The following PTPRD variants were observed in gnomAD, a reference collection of about 807,000 sequenced individuals.
The protein encoded by PTPRD is receptor-type tyrosine-protein phosphatase delta.
In PTPRD, 34 loss-of-function variants were observed where a neutral mutation model predicts 214.5. That is an observed-to-expected ratio of 0.16 (90% CI 0.12 to 0.21). PTPRD has a LOEUF of 0.21. Among genes scored for constraint, PTPRD ranks in the 10% least tolerant of loss-of-function variants. The pLI, the probability that PTPRD is intolerant of heterozygous loss-of-function variation, is 1.00. For missense variants in PTPRD, 2,545 were observed against 2,398.7 expected, an observed-to-expected ratio of 1.06 and a Z score of -1.27; for synonymous variants, 1,128 against 845.7, an observed-to-expected ratio of 1.33 and a Z score of -5.79.
chr9:9,252,889 A>C (rs895424985), intron 9 of PTPRD, among the ~76,000 whole-genome samples: 11 of 152,080 alleles, frequency 7.2e-5, no homozygotes, highest in Non-Finnish European at 1.3e-4. Flanking sequence ...GGAATGAAAG[A>C]TTTTACCTCT....
rs1187905092 is a variant in PTPRD, at chr9:9,982,488, G to A, written c.-471-43878C>T. ...TGTGGTGGTGGTGGTGTGTGTGTGT[G>A]TGTGTGTGTGTGTGTGTGTGTGTGT... is the stretch of plus-strand genomic sequence containing the variant. On this transcript the variant is annotated intron_variant, in intron 4 of 45. Coordinates refer to ENST00000381196, the MANE Select transcript of PTPRD (RefSeq NM_002839.4). Among the ~76,000 whole-genome samples, 440 of 44,216 alleles carry A rather than the reference G, an allele frequency of 1.0e-2. 3 individuals carry two copies. The highest frequency in any genetic ancestry group is 0.025 in the African/African-American group (412 of 16,806). 29.0% of individuals were successfully genotyped at this position (44,216 alleles called of 152,430 possible).
At chr9:10,533,426 C>A (rs995398830) in intron 2 of PTPRD, among the ~76,000 whole-genome samples, 1 of 151,932 alleles carries the variant, frequency 6.6e-6, no homozygotes, top group Non-Finnish European at 1.5e-5. Context: ...TGAGAAAATT[C>A]TTTGGAGATG....
At chr9:9,459,086 A>G (rs1431486318) in intron 8 of PTPRD, among the ~76,000 whole-genome samples, 1 of 152,074 alleles carries the variant, frequency 6.6e-6, no homozygotes, top group African/African-American at 2.4e-5. Context: ...AGGAAACCAG[A>G]AAGTCTGCAG....
intron 7 of PTPRD, among the ~76,000 whole-genome samples, chr9:9,720,613 T>G (rs756814661): frequency 6.6e-6 from 1 of 152,146 alleles, no homozygotes; most frequent in African/African-American, 2.4e-5. Context: ...TGCAGGTGAC[T>G]ACTACTGAGA....
At chr9:10,482,101 G>T (rs1018225534) in intron 2 of PTPRD, among the ~76,000 whole-genome samples, 14 of 152,178 alleles carry the variant, frequency 9.2e-5, no homozygotes, top group Admixed American at 7.2e-4. Context: ...GCCGGGCGCG[G>T]TGGCTCACGC....
intron 2 of PTPRD, among the ~76,000 whole-genome samples, chr9:10,416,831 G>A (rs988285250): frequency 5.9e-5 from 9 of 151,878 alleles, no homozygotes; most frequent in African/African-American, 2.2e-4. Flanking sequence ...CAAGGATGCT[G>A]TTATAATAGT....
At chr9:9,116,051 A>T (rs929435276) in intron 10 of PTPRD, among the ~76,000 whole-genome samples, 7 of 152,054 alleles carry the variant, frequency 4.6e-5, no homozygotes, top group African/African-American at 1.7e-4. Flanking sequence ...GGAACAACAG[A>T]CACTGAGAGG....
At chr9:8,447,732 C>T (rs2890795) in intron 34 of PTPRD, among the ~76,000 whole-genome samples, 80,717 of 151,896 alleles carry the variant, frequency 0.53, 23,274 homozygotes, top group East Asian at 0.84. Context: ...TGGGGGTACC[C>T]TTGCCTTTCT....
intron 2 of PTPRD, among the ~76,000 whole-genome samples, chr9:10,461,461 T>C (rs944527252): frequency 1.3e-5 from 2 of 151,852 alleles, no homozygotes; most frequent in African/African-American, 2.4e-5. Context: ...AATGAAAAAA[T>C]GGATGAAGAA....
chr9:9,304,384 A>G (rs1228904815), intron 9 of PTPRD, among the ~76,000 whole-genome samples: 1 of 152,130 alleles, frequency 6.6e-6, no homozygotes, highest in Non-Finnish European at 1.5e-5. Flanking sequence ...AGACATTCCC[A>G]TTTGGATGTT....
At chr9:8,523,303 C>A (rs2097927073) in intron 19 of PTPRD, among the ~76,000 whole-genome samples, 1 of 152,036 alleles carries the variant, frequency 6.6e-6, no homozygotes. Flanking sequence ...TTACCAGTTA[C>A]CATGCACCCA....
intron 9 of PTPRD, among the ~76,000 whole-genome samples, chr9:9,360,918 T>C (rs942410421): frequency 3.3e-5 from 5 of 151,078 alleles, no homozygotes; most frequent in Admixed American, 6.6e-5. Context: ...TGAAGCCAGA[T>C]GTGTACACAG....
At chr9:9,455,001 A>G (rs2092785137) in intron 8 of PTPRD, among the ~76,000 whole-genome samples, 1 of 151,708 alleles carries the variant, frequency 6.6e-6, no homozygotes, top group African/African-American at 2.4e-5. Context: ...TTCTATTTCC[A>G]AAAAGAAAAA....
chr9:9,956,453 T>A (rs2093939758), intron 4 of PTPRD, among the ~76,000 whole-genome samples: 1 of 152,164 alleles, frequency 6.6e-6, no homozygotes, highest in African/African-American at 2.4e-5. Flanking sequence ...TCCAGTTCAT[T>A]GTTTTTAATA....
intron 11 of PTPRD, among the ~76,000 whole-genome samples, chr9:8,886,400 T>C (rs899211085): frequency 1.3e-5 from 2 of 152,222 alleles, no homozygotes; most frequent in African/African-American, 4.8e-5. Flanking sequence ...AATTATATTT[T>C]ATAGCATATG....
chr9:9,368,121 T>A (rs938873583), intron 9 of PTPRD, among the ~76,000 whole-genome samples: 3 of 151,804 alleles, frequency 2.0e-5, no homozygotes, highest in Non-Finnish European at 1.5e-5. Context: ...CCAAATTTGA[T>A]TTTAAGTATG....
chr9:10,515,778 C>A (rs1420300656), intron 2 of PTPRD, among the ~76,000 whole-genome samples: 1 of 151,924 alleles, frequency 6.6e-6, no homozygotes, highest in African/African-American at 2.4e-5. Context: ...AACCACCATG[C>A]TACTCACTGC....
intron 8 of PTPRD, among the ~76,000 whole-genome samples, chr9:9,426,451 T>G (rs2080960704): frequency 6.6e-6 from 1 of 152,182 alleles, no homozygotes; most frequent in South Asian, 2.1e-4. Flanking sequence ...CAAGGAGGCC[T>G]GCCTGCCTCT....
chr9:9,803,153 G>A (rs976697371), intron 5 of PTPRD, among the ~76,000 whole-genome samples: 6 of 151,280 alleles, frequency 4.0e-5, no homozygotes, highest in Admixed American at 2.6e-4. Context: ...AAAAAGATAC[G>A]CTAAATCACT....
Sources: allele counts gnomAD v4.1 joint callset (sites outside exome capture counted in the v4.1 genomes callset), GRCh38; gene constraint gnomAD v4.1.1; transcripts MANE v1.5; gene names NCBI Gene and HGNC (gene_info 2026-07-23, HGNC 2026-07-21).